Variants in STK24 observed in about 807,000 individuals in gnomAD.
The protein encoded by STK24 is serine/threonine-protein kinase 24.
A neutral mutation model predicts 55.6 loss-of-function variants in STK24; 21 were observed. The ratio of observed to expected loss-of-function variants is 0.38; its 90% CI spans 0.27 to 0.54. The LOEUF is 0.54. Ranked by LOEUF, STK24 falls within the 20% of genes least tolerant of loss-of-function variation. The pLI is 0.79. For synonymous variants in STK24, 200 were observed against 215.2 expected (o/e 0.93, Z 0.62); for missense variants, 383 against 538.4 (o/e 0.71, Z 2.86).
rs1387988086 is a variant in STK24 at position 98,448,530 on chromosome 13, G to C, written c.*4643C>G. The C allele has an allele frequency of 1.8e-6, 1 of 568,090 alleles. No homozygotes were observed. The highest frequency in any genetic ancestry group is 3.1e-6 in the Non-Finnish European group (1 of 318,482). The allele number at this position is 568,090 out of a possible 1,614,324, so 35.2% of individuals were successfully genotyped here. A position where few individuals can be genotyped will look rare whatever the true frequency, so the allele number is the denominator to read the frequency against. ...CACCTCCAGTCCTGGCATCCGCTGGGGGCGCTGTTCTTTAGCTAGTGCCAG... is the reference window on the plus strand; with the variant it reads ...CACCTCCAGTCCTGGCATCCGCTGGCGGCGCTGTTCTTTAGCTAGTGCCAG... On this transcript the variant is annotated 3_prime_UTR_variant, in exon 11 of 11. Transcript: ENST00000539966.
At chr13:98,503,885 G>C (rs1384990539) in intron 2 of STK24, among the ~76,000 whole-genome samples, 1 of 152,202 alleles carries the variant, frequency 6.6e-6, no homozygotes, top group Non-Finnish European at 1.5e-5. Flanking sequence ...CAACCAGCCA[G>C]AACCACTGCA....
At chr13:98,501,707 T>G (rs1370036892) in intron 2 of STK24, among the ~76,000 whole-genome samples, 1 of 152,010 alleles carries the variant, frequency 6.6e-6, no homozygotes, top group African/African-American at 2.4e-5. Flanking sequence ...CAATAAAAAA[T>G]TTTACAAAAT....
intron 1 of STK24, among the ~76,000 whole-genome samples, chr13:98,535,896 TACAGGTGA>T (rs1896718154): frequency 6.6e-6 from 1 of 152,192 alleles, no homozygotes; most frequent in Non-Finnish European, 1.5e-5. Context: ...TCCCATTCCC[TACAGGTGA>T]ACTCACCTTC....
chr13:98,468,566 T>C (rs553593145), intron 5 of STK24, among the ~76,000 whole-genome samples: 2 of 152,206 alleles, frequency 1.3e-5, no homozygotes, highest in East Asian at 1.9e-4. Flanking sequence ...GTGACTCTTG[T>C]GTGGCAGCGG....
chr13:98,517,342 G>A (rs533153014), intron 2 of STK24, among the ~76,000 whole-genome samples: 4 of 152,208 alleles, frequency 2.6e-5, no homozygotes, highest in South Asian at 2.1e-4. Context: ...ATTTAACATC[G>A]AGGCCAGGCA....
intron 2 of STK24, 25 bp from the exon 3 acceptor site, chr13:98,482,346 A>C: frequency 7.0e-7 from 1 of 1,432,060 alleles, no homozygotes; most frequent in Non-Finnish European, 9.6e-7. Flanking sequence ...AAAGAAGAGA[A>C]TCATTTTCAA....
Position 98,446,642 on chromosome 13 carries a change from C to CTTTGCTTTG in STK24, c.*6522_*6530dup. 1 of 1,612,622 alleles carries CTTTGCTTTG rather than the reference C, an allele frequency of 6.2e-7. No homozygotes were observed. The highest frequency in any genetic ancestry group is 8.5e-7 in the Non-Finnish European group (1 of 1,178,834). On this transcript the variant is annotated 3_prime_UTR_variant, in exon 11 of 11. Coordinates refer to ENST00000539966, the MANE Select transcript of STK24 (RefSeq NM_001032296.4). ...AGCAGAAGCTGACCCCGAAAAGCCA[C>CTTTGCTTTG]TTTGCTTTGTTTCCCCTTTCCAGGA... is the stretch of plus-strand genomic sequence containing the variant.
In STK24 at chr13:98,535,281, GAGCCAAGAT is replaced by G. The variant is rs1378557231; in HGVS notation, c.43-15817_43-15809del. ...GAATCTGGGAGACGGAGGCTGCAGT[GAGCCAAGAT>G]CACGCCATTGCACTCCAGCCTGGGC... On this transcript the variant is annotated intron_variant, in intron 1 of 10. Transcript: ENST00000539966. Among the ~76,000 whole-genome samples the G allele has an allele frequency of 4.2e-5, 6 of 143,154 alleles. No individual in the cohort carries two copies. The East Asian group carries it at 1.2e-3, about 28-fold the overall frequency. The allele number at this position is 143,154 out of a possible 152,430, so 93.9% of individuals were successfully genotyped here. A position where few individuals can be genotyped will look rare whatever the true frequency, so the allele number is the denominator to read the frequency against.
chr13:98,519,536 C>T (rs1464600771), intron 1 of STK24, 63 bp from the exon 2 acceptor site: 47 of 1,259,348 alleles, frequency 3.7e-5, no homozygotes, highest in Non-Finnish European at 5.1e-5. Flanking sequence ...ACTCCTTTGT[C>T]AATTTTATGT....
intron 2 of STK24, among the ~76,000 whole-genome samples, chr13:98,508,412 T>A (rs1295738882): frequency 6.6e-6 from 1 of 152,204 alleles, no homozygotes; most frequent in African/African-American, 2.4e-5. Context: ...CAGAAGAATG[T>A]ATGTTAATAA....
chr13:98,538,222 CTTTTTT>C (rs55720452), intron 1 of STK24, among the ~76,000 whole-genome samples: 12 of 91,610 alleles, frequency 1.3e-4, no homozygotes, highest in African/African-American at 4.1e-4. Flanking sequence ...TTGGTGCTTG[CTTTTTT>C]TTTTTTTTTT....
intron 2 of STK24, among the ~76,000 whole-genome samples, chr13:98,496,517 C>T (rs1359144961): frequency 6.6e-6 from 1 of 152,150 alleles, no homozygotes; most frequent in Non-Finnish European, 1.5e-5. Context: ...TCAATGGCCA[C>T]CAGACAAAAA....
At chr13:98,559,308 A>G (rs1467515938) in intron 1 of STK24, among the ~76,000 whole-genome samples, 2 of 152,198 alleles carry the variant, frequency 1.3e-5, no homozygotes, top group Non-Finnish European at 2.9e-5. Flanking sequence ...TAACCGAATC[A>G]CAGGAGGGTT....
chr13:98,466,841 G>A (rs1184713285), intron 5 of STK24, among the ~76,000 whole-genome samples: 7 of 151,880 alleles, frequency 4.6e-5, no homozygotes, highest in African/African-American at 1.7e-4. Flanking sequence ...GTGGAGTCCC[G>A]GGGGCCAGCA....
At chr13:98,491,482 C>T (rs748681042) in intron 2 of STK24, among the ~76,000 whole-genome samples, 3 of 152,000 alleles carry the variant, frequency 2.0e-5, no homozygotes, top group African/African-American at 4.8e-5. Context: ...TAGGGGTGCA[C>T]GATAAAACCT....
At chr13:98,537,906 A>C (rs532457689) in intron 1 of STK24, among the ~76,000 whole-genome samples, 16 of 152,252 alleles carry the variant, frequency 1.1e-4, no homozygotes, top group African/African-American at 3.6e-4. Context: ...CTGTGGGATG[A>C]ACCTGCTGAG....
At chr13:98,468,786 C>T (rs117492116) in intron 5 of STK24, among the ~76,000 whole-genome samples, 4 of 152,302 alleles carry the variant, frequency 2.6e-5, no homozygotes, top group East Asian at 1.9e-4. Flanking sequence ...CAATCAAATC[C>T]GGGTAGCTGG....
chr13:98,561,847 C>T (rs1168646205), intron 1 of STK24, among the ~76,000 whole-genome samples: 1 of 151,662 alleles, frequency 6.6e-6, no homozygotes, highest in Non-Finnish European at 1.5e-5. Context: ...TGTGGTGGCA[C>T]GTGCCTGTAA....
chr13:98,467,949 G>C (rs1317670385), intron 5 of STK24, among the ~76,000 whole-genome samples: 1 of 152,184 alleles, frequency 6.6e-6, no homozygotes, highest in Non-Finnish European at 1.5e-5. Flanking sequence ...GCCTGAGTCT[G>C]GTACAGCTTT....
Sources: gnomAD v4.1 joint callset for allele counts (sites outside exome capture counted in the v4.1 genomes callset) on GRCh38, gnomAD v4.1.1 for gene constraint, MANE v1.5 for transcripts, NCBI Gene and HGNC (gene_info 2026-07-23, HGNC 2026-07-21) for gene names.